The following SPATA17 variants were observed in gnomAD, a reference collection of about 807,000 sequenced individuals.
The protein encoded by SPATA17 is spermatogenesis-associated protein 17.
SPATA17 carries 53 observed loss-of-function variants against 62.2 expected under a neutral mutation model. The observed-to-expected ratio is 0.85, with a 90% CI of 0.68 to 1.07. SPATA17 has a LOEUF of 1.07. Among genes scored for constraint, SPATA17 ranks in the 50% least tolerant of loss-of-function variants. The probability of loss-of-function intolerance (pLI) is 0.00; values close to 1 mark genes in which losing one functional copy is unlikely to be tolerated. For missense variants in SPATA17, 466 were observed against 425.5 expected, an observed-to-expected ratio of 1.10 and a Z score of -0.84; for synonymous variants, 146 against 146.8, an observed-to-expected ratio of 0.99 and a Z score of 0.04.
At chr1:217,808,636 A>G (rs1674504120) in intron 9 of SPATA17, among the ~76,000 whole-genome samples, 1 of 151,984 alleles carries the variant, frequency 6.6e-6, no homozygotes, top group Non-Finnish European at 1.5e-5. Flanking sequence ...GGCAGATCCC[A>G]AGGTCAAGAG....
chr1:217,866,100 T>A (rs552706178), intron 10 of SPATA17, among the ~76,000 whole-genome samples: 1 of 152,298 alleles, frequency 6.6e-6, no homozygotes, highest in African/African-American at 2.4e-5. Context: ...GGAAAAAAGT[T>A]CTATGAGGGG....
chr1:217,705,195 A>T, intron 5 of SPATA17, among the ~76,000 whole-genome samples: 1 of 152,084 alleles, frequency 6.6e-6, no homozygotes, highest in East Asian at 1.9e-4. Context: ...GGCCACATGA[A>T]TATCTTCTTT....
intron 7 of SPATA17, among the ~76,000 whole-genome samples, chr1:217,778,288 G>A (rs1673642856): frequency 6.6e-6 from 1 of 152,096 alleles, no homozygotes. Flanking sequence ...ACAGGCTGGA[G>A]TGGGTGGATC....
intron 5 of SPATA17, among the ~76,000 whole-genome samples, chr1:217,724,390 C>A (rs1398107633): frequency 7.2e-5 from 11 of 151,986 alleles, no homozygotes; most frequent in Non-Finnish European, 5.9e-5. Flanking sequence ...GAGTTGGAGA[C>A]CAGCTTGGCC....
intron 9 of SPATA17, among the ~76,000 whole-genome samples, chr1:217,813,991 T>C (rs1344718958): frequency 1.3e-5 from 2 of 152,096 alleles, no homozygotes; most frequent in African/African-American, 2.4e-5. Flanking sequence ...CTGGTTTGTT[T>C]CTGATTAATT....
At chr1:217,785,942 T>C (rs778688336) in intron 8 of SPATA17, among the ~76,000 whole-genome samples, 19 of 152,188 alleles carry the variant, frequency 1.2e-4, no homozygotes, top group Non-Finnish European at 2.8e-4. Flanking sequence ...AATTTTCTCA[T>C]GCCATCTCAA....
intron 5 of SPATA17, among the ~76,000 whole-genome samples, chr1:217,690,178 T>C (rs900833525): frequency 1.3e-5 from 2 of 152,098 alleles, no homozygotes; most frequent in Non-Finnish European, 2.9e-5. Flanking sequence ...ACTGGGACTA[T>C]AGGCGTGAGC....
At chr1:217,660,921 A>T (rs1670552194) in intron 3 of SPATA17, among the ~76,000 whole-genome samples, 1 of 152,370 alleles carries the variant, frequency 6.6e-6, no homozygotes, top group Non-Finnish European at 1.5e-5. Flanking sequence ...GGTTATGCTT[A>T]CAAAAAGATG....
chr1:217,790,443 C>T (rs1199245132), intron 8 of SPATA17, among the ~76,000 whole-genome samples: 2 of 152,014 alleles, frequency 1.3e-5, no homozygotes, highest in Non-Finnish European at 2.9e-5. Flanking sequence ...AAATTACTCA[C>T]TTTTATTTTT....
intron 6 of SPATA17, among the ~76,000 whole-genome samples, chr1:217,767,918 G>A (rs992281753): frequency 6.6e-6 from 1 of 152,094 alleles, no homozygotes; most frequent in Non-Finnish European, 1.5e-5. Flanking sequence ...ACACTAGTAT[G>A]GCTTGCTTCA....
chr1:217,721,127 T>C (rs1171364825), intron 5 of SPATA17, among the ~76,000 whole-genome samples: 1 of 152,242 alleles, frequency 6.6e-6, no homozygotes, highest in Non-Finnish European at 1.5e-5. Context: ...ATATTCTTGG[T>C]ATATTCTTCA....
intron 5 of SPATA17, among the ~76,000 whole-genome samples, chr1:217,719,884 G>A (rs1439187850): frequency 6.6e-6 from 1 of 152,190 alleles, no homozygotes; most frequent in Non-Finnish European, 1.5e-5. Context: ...GACGTCATGG[G>A]CGAGAGCTGT....
intron 5 of SPATA17, among the ~76,000 whole-genome samples, chr1:217,695,974 G>A (rs1671446355): frequency 1.3e-5 from 2 of 150,046 alleles, no homozygotes; most frequent in African/African-American, 2.5e-5. Context: ...CCCAGAGGTG[G>A]AGCCTACAGA....
Position 217,788,322 on chromosome 1 carries a change from G to A in SPATA17, c.872+6000G>A, listed in dbSNP as rs1377160149. Among the ~76,000 whole-genome samples the A allele has an allele frequency of 2.0e-5, 3 of 149,020 alleles. No homozygotes were observed. In the East Asian group the frequency reaches 6.2e-4, roughly 31 times the overall value. The stretch of plus-strand genomic sequence containing the variant: ...GTTTAGGATATTGCAATAGAAATGA[G>A]AACCAATTAGTTTCAATTAATTTTC... On this transcript the variant is annotated intron_variant, in intron 8 of 10. Transcript: ENST00000366933.
At chr1:217,745,678 G>A (rs1672731446) in intron 6 of SPATA17, among the ~76,000 whole-genome samples, 1 of 151,944 alleles carries the variant, frequency 6.6e-6, no homozygotes, top group African/African-American at 2.4e-5. Context: ...TTGAGTGCCT[G>A]CCATCTAATA....
chr1:217,660,693 A>G (rs1670547521), intron 3 of SPATA17, among the ~76,000 whole-genome samples: 1 of 152,180 alleles, frequency 6.6e-6, no homozygotes, highest in South Asian at 2.1e-4. Context: ...CATACCTTAG[A>G]TCCAGCTTGC....
intron 1 of SPATA17, among the ~76,000 whole-genome samples, chr1:217,636,613 G>A (rs1224784607): frequency 1.3e-5 from 2 of 151,948 alleles, no homozygotes; most frequent in Admixed American, 6.6e-5. Flanking sequence ...TAGTGAAGAC[G>A]AGTTTTCGCT....
At chr1:217,713,908 G>A (rs906173206) in intron 5 of SPATA17, among the ~76,000 whole-genome samples, 1 of 152,096 alleles carries the variant, frequency 6.6e-6, no homozygotes, top group African/African-American at 2.4e-5. Flanking sequence ...TTTCTCAGTT[G>A]GACTGCATGT....
At chr1:217,670,581 T>C (rs2102897766) in intron 4 of SPATA17, among the ~76,000 whole-genome samples, 1 of 152,338 alleles carries the variant, frequency 6.6e-6, no homozygotes, top group South Asian at 2.1e-4. Context: ...TGTCAATTTA[T>C]CTTTGATTAA....
Sources: gnomAD v4.1 joint callset for allele counts (sites outside exome capture counted in the v4.1 genomes callset) on GRCh38, gnomAD v4.1.1 for gene constraint, MANE v1.5 for transcripts, NCBI Gene and HGNC (gene_info 2026-07-23, HGNC 2026-07-21) for gene names.